Variants in WIF1 observed in about 807,000 individuals in gnomAD.
WIF1 encodes Wnt inhibitory factor 1.
In WIF1, 35 loss-of-function variants were observed where a neutral mutation model predicts 53.5. The observed-to-expected ratio is 0.65, with a 90% confidence interval of 0.50 to 0.87. The LOEUF is 0.87. Among genes scored for constraint, WIF1 ranks in the 40% least tolerant of loss-of-function variants. The pLI, the probability that WIF1 is intolerant of heterozygous loss-of-function variation, is 0.00. For synonymous variants in WIF1, 171 were observed against 170.4 expected (o/e 1.00, Z -0.03); for missense variants, 467 against 476.8 (o/e 0.98, Z 0.19).
intron 7 of WIF1, among the ~76,000 whole-genome samples, chr12:65,060,374 G>T (rs995217646): frequency 1.3e-5 from 2 of 152,214 alleles, no homozygotes; most frequent in African/African-American, 4.8e-5. Context: ...AAGGAATAAT[G>T]CAGTGATATA....
At chr12:65,070,815 A>T (rs1307983912) in intron 3 of WIF1, among the ~76,000 whole-genome samples, 1 of 152,096 alleles carries the variant, frequency 6.6e-6, no homozygotes, top group African/African-American at 2.4e-5. Flanking sequence ...ACTCATCTTC[A>T]TTTCTGCTTG....
At chr12:65,092,245 C>T (rs942442137) in intron 2 of WIF1, among the ~76,000 whole-genome samples, 7 of 148,912 alleles carry the variant, frequency 4.7e-5, no homozygotes, top group Non-Finnish European at 8.9e-5. Context: ...CAAGAACACA[C>T]GGACACAGGG....
intron 1 of WIF1, chr12:65,120,809 TA>T: frequency 1.2e-6 from 1 of 837,622 alleles, no homozygotes; most frequent in Non-Finnish European, 1.7e-6. Flanking sequence ...CGGGTGCACC[TA>T]AAAACGCAGG....
At chr12:65,114,123 T>C (rs2136295350) in intron 2 of WIF1, among the ~76,000 whole-genome samples, 1 of 152,322 alleles carries the variant, frequency 6.6e-6, no homozygotes, top group South Asian at 2.1e-4. Context: ...GTTTGGCAGT[T>C]CCTTTGAAGT....
intron 2 of WIF1, among the ~76,000 whole-genome samples, chr12:65,117,307 C>T (rs1170864556): frequency 6.6e-6 from 1 of 152,200 alleles, no homozygotes; most frequent in Non-Finnish European, 1.5e-5. Flanking sequence ...TTTACATGCA[C>T]ATTAGCAGCA....
At chr12:65,083,855 T>G (rs1882994020) in intron 2 of WIF1, 1 of 420,846 alleles carries the variant, frequency 2.4e-6, no homozygotes, top group Admixed American at 2.6e-5. Flanking sequence ...TCTTTTCTTT[T>G]CTTTTATTTG....
chr12:65,120,397 G>A lies in WIF1; in HGVS notation c.288+20C>T, dbSNP rs1449099222. On this transcript the variant is annotated intron_variant, in intron 2 of 9. Coordinates refer to ENST00000286574, the MANE Select transcript of WIF1 (RefSeq NM_007191.5). ...CATAAGGCAGTGGAAATATTAAAGG[G>A]TAATTTTCTCAGAACTTACCTGCCC... 6.2e-7 allele frequency: 1 copy of A among 1,610,240 alleles called. No homozygotes were observed. The highest frequency in any genetic ancestry group is 1.7e-5 in the Admixed American group (1 of 59,522).
chr12:65,108,616 C>T (rs184049520), intron 2 of WIF1, among the ~76,000 whole-genome samples: 41 of 152,114 alleles, frequency 2.7e-4, no homozygotes, highest in African/African-American at 8.9e-4. Flanking sequence ...TAAGTCCTGT[C>T]GATTACACCT....
At chr12:65,060,119 A>C (rs1882589907) in intron 7 of WIF1, among the ~76,000 whole-genome samples, 1 of 152,132 alleles carries the variant, frequency 6.6e-6, no homozygotes, top group African/African-American at 2.4e-5. Context: ...ATGTAAAATG[A>C]TGCAACTGCT....
At chr12:65,119,260 A>G (rs1047011558) in intron 2 of WIF1, among the ~76,000 whole-genome samples, 1 of 152,248 alleles carries the variant, frequency 6.6e-6, no homozygotes, top group Non-Finnish European at 1.5e-5. Flanking sequence ...CGATGAACCT[A>G]TCTGCAAAAT....
At position 65,112,410 on chromosome 12, in the gene WIF1, A is replaced by T. The variant is rs1008666303; in HGVS notation, c.288+8007T>A. On this transcript the variant is annotated intron_variant, in intron 2 of 9. Coordinates refer to ENST00000286574, the MANE Select transcript of WIF1 (RefSeq NM_007191.5). Reference sequence around the variant, plus strand: ...TTACAGTTCCCTGCTCTAATCACACACACACACACACACACACACACACAC... The same window carrying T: ...TTACAGTTCCCTGCTCTAATCACACTCACACACACACACACACACACACAC... Among the ~76,000 whole-genome samples, 423 of 131,700 alleles carry T rather than the reference A, an allele frequency of 3.2e-3. 3 individuals are homozygous for T. The highest frequency in any genetic ancestry group is 0.015 in the African/African-American group (373 of 24,832). The allele number at this position is 131,700 out of a possible 152,430, so 86.4% of individuals were successfully genotyped here. A position where few individuals can be genotyped will look rare whatever the true frequency, so the allele number is the denominator to read the frequency against.
intron 2 of WIF1, among the ~76,000 whole-genome samples, chr12:65,115,660 A>G (rs921862425): frequency 6.6e-6 from 1 of 152,228 alleles, no homozygotes; most frequent in Non-Finnish European, 1.5e-5. Context: ...AAAATCCATT[A>G]AGGCTAAGCT....
chr12:65,097,114 G>A (rs755294954), intron 2 of WIF1, among the ~76,000 whole-genome samples: 2 of 150,780 alleles, frequency 1.3e-5, no homozygotes, highest in Non-Finnish European at 2.9e-5. Flanking sequence ...TTGTGTGGAT[G>A]TATGGAAACT....
chr12:65,111,782 C>A (rs549781095), intron 2 of WIF1, among the ~76,000 whole-genome samples: 24 of 152,308 alleles, frequency 1.6e-4, no homozygotes, highest in African/African-American at 5.3e-4. Flanking sequence ...TGGCCCAGGG[C>A]AGCTAAGCAA....
At chr12:65,071,078 C>T (rs1174652668) in intron 3 of WIF1, among the ~76,000 whole-genome samples, 2 of 150,884 alleles carry the variant, frequency 1.3e-5, no homozygotes, top group East Asian at 3.9e-4. Context: ...CTACTAAAAG[C>T]AAAAAAATTA....
Position 65,063,329 on chromosome 12 carries a change from AG to A in WIF1, c.731-754del, listed in dbSNP as rs1287145509. Among the ~76,000 whole-genome samples the A allele has an allele frequency of 3.3e-5, 5 of 152,296 alleles. No individual in the cohort carries two copies. The East Asian group carries it at 9.6e-4, about 29-fold the overall frequency. The stretch of plus-strand genomic sequence containing the variant: ...GCTCACTAGCACCTAAAATAGAGGG[AG>A]GATGGAGAAATGGAGAGGGGAGGAG... On this transcript the variant is annotated intron_variant, in intron 6 of 9. Coordinates refer to ENST00000286574, the MANE Select transcript of WIF1 (RefSeq NM_007191.5).
At chr12:65,089,376 C>T (rs1328692241) in intron 2 of WIF1, among the ~76,000 whole-genome samples, 1 of 152,106 alleles carries the variant, frequency 6.6e-6, no homozygotes, top group Non-Finnish European at 1.5e-5. Flanking sequence ...AAAATTCAGA[C>T]ATTTCTCCCT....
At chr12:65,112,404 T>TCACACACACACA (rs758383148) in intron 2 of WIF1, among the ~76,000 whole-genome samples, 10,350 of 123,342 alleles carry the variant, frequency 0.084, 700 homozygotes, top group Non-Finnish European at 0.11. Context: ...CCTGCTCTAA[T>TCACACACACACA]CACACACACA....
At chr12:65,084,407 T>C (rs941990474) in intron 2 of WIF1, among the ~76,000 whole-genome samples, 2 of 152,060 alleles carry the variant, frequency 1.3e-5, no homozygotes, top group Non-Finnish European at 2.9e-5. Context: ...CTCTCACTAC[T>C]CCCCAACAGG....
Sources: allele counts gnomAD v4.1 joint callset (sites outside exome capture counted in the v4.1 genomes callset), GRCh38; gene constraint gnomAD v4.1.1; transcripts MANE v1.5; gene names NCBI Gene and HGNC (gene_info 2026-07-23, HGNC 2026-07-21).